Variants in RGS7 observed in about 807,000 individuals in gnomAD.
The protein encoded by RGS7 is regulator of G-protein signaling 7.
Under a neutral mutation model 81.1 loss-of-function variants are expected in RGS7, and 27 were observed. The ratio of observed to expected loss-of-function variants is 0.33; its 90% confidence interval spans 0.25 to 0.46. The LOEUF (loss-of-function observed/expected upper bound fraction) is 0.46, where lower values mean the gene tolerates loss of function less well. RGS7 is among the 20% of genes least tolerant of loss of function. RGS7 has a pLI of 1.00. For synonymous variants in RGS7, 208 were observed against 207.7 expected, an observed-to-expected ratio of 1.00 and a Z score of -0.01; for missense variants, 396 against 607.4, an observed-to-expected ratio of 0.65 and a Z score of 3.66.
intron 6 of RGS7, among the ~76,000 whole-genome samples, chr1:240,878,489 C>CTTTTTTTTTTTTTTTTTTTTTTTTTT (rs57896753): frequency 1.5e-4 from 18 of 117,556 alleles, no homozygotes; most frequent in Non-Finnish European, 2.3e-4. Flanking sequence ...TTTTTTCTTT[C>CTTTTTTTTTTTTTTTTTTTTTTTTTT]TTTTTTTTTT....
At chr1:241,169,506 C>A (rs1242569405) in intron 2 of RGS7, among the ~76,000 whole-genome samples, 2 of 151,754 alleles carry the variant, frequency 1.3e-5, no homozygotes, top group African/African-American at 4.8e-5. Flanking sequence ...CCACACCCGG[C>A]TAATTTTTTT....
In RGS7 at chr1:240,814,650, A is replaced by C. The variant is rs1414671027; in HGVS notation, c.845+66T>G. 9.1e-6 allele frequency: 9 copies of C among 985,292 alleles called. No homozygotes were observed. In the African/African-American group the frequency reaches 1.4e-4, roughly 16 times the overall value. 61.0% of individuals were successfully genotyped at this position (985,292 alleles called of 1,614,324 possible). A position where few individuals can be genotyped will look rare whatever the true frequency, so the allele number is the denominator to read the frequency against. On this transcript the variant is annotated intron_variant, in intron 12 of 18. Coordinates refer to ENST00000440928, the MANE Select transcript of RGS7 (RefSeq NM_001364886.1). Reference sequence around the variant, plus strand: ...ACTCCTGTCCCCACAGTTCTCTTTCATTTTTAAACACATGTAATTGTCATA... The same window carrying C: ...ACTCCTGTCCCCACAGTTCTCTTTCCTTTTTAAACACATGTAATTGTCATA...
At position 241,316,835 on chromosome 1, in the gene RGS7, A is replaced by G. The variant is rs930188993; in HGVS notation, c.78+38864T>C. 1.1e-4 allele frequency among the ~76,000 whole-genome samples: 16 copies of G among 152,154 alleles called. 1 individual carries two copies. Among genetic ancestry groups the G allele is most frequent in the African/African-American group, 3.9e-4 (16 of 41,438 alleles). On this transcript the variant is annotated intron_variant, in intron 2 of 18. Coordinates refer to ENST00000440928, the MANE Select transcript of RGS7 (RefSeq NM_001364886.1). The stretch of plus-strand genomic sequence containing the variant: ...TTCAGAAGATGAATGTCAAAATTCC[A>G]TTTGTTTATCAATGATGTGAGCCAC...
intron 3 of RGS7, among the ~76,000 whole-genome samples, chr1:241,051,447 G>A (rs1461925538): frequency 1.4e-5 from 2 of 142,314 alleles, no homozygotes; most frequent in Non-Finnish European, 3.1e-5. Context: ...CCCTGAAAAA[G>A]GGATTGCAGA....
intron 3 of RGS7, among the ~76,000 whole-genome samples, chr1:241,004,508 T>C (rs1257785281): frequency 2.6e-5 from 4 of 152,180 alleles, no homozygotes; most frequent in Non-Finnish European, 4.4e-5. Flanking sequence ...TTGAAAATCA[T>C]TGACAAGAGG....
At chr1:240,948,373 T>C (rs1357120806) in intron 4 of RGS7, among the ~76,000 whole-genome samples, 1 of 152,174 alleles carries the variant, frequency 6.6e-6, no homozygotes, top group Non-Finnish European at 1.5e-5. Flanking sequence ...CTTACATTAG[T>C]TCATAGCACA....
Position 240,912,539 on chromosome 1 carries a change from T to A in RGS7, c.385+18178A>T, listed in dbSNP as rs1347313124. ...GGCCACACTTCAAGAAATAGTGAAA[T>A]ATAATGCACTTGAGGGATGGTCAAT... is the stretch of plus-strand genomic sequence containing the variant. On this transcript the variant is annotated intron_variant, in intron 6 of 18. Coordinates refer to ENST00000440928, the MANE Select transcript of RGS7 (RefSeq NM_001364886.1). Among the ~76,000 whole-genome samples the A allele has an allele frequency of 2.6e-5, 4 of 152,188 alleles. No individual in the cohort carries two copies. In the East Asian group the frequency reaches 7.8e-4, roughly 30 times the overall value.
At chr1:240,889,076 C>A (rs769004287) in intron 6 of RGS7, among the ~76,000 whole-genome samples, 4 of 152,118 alleles carry the variant, frequency 2.6e-5, no homozygotes, top group Non-Finnish European at 5.9e-5. Flanking sequence ...CTTGCCTCAG[C>A]GTCCCAAGCA....
At position 240,879,121 on chromosome 1, in the gene RGS7, G is replaced by A. The variant is rs186187415; in HGVS notation, c.386-9002C>T. ...TCCAGACTTGAATTTTTGCCAATCC[G>A]GCTTGAGAGAGGTGCATTAAAGTCT... On this transcript the variant is annotated intron_variant, in intron 6 of 18. Coordinates refer to ENST00000440928, the MANE Select transcript of RGS7 (RefSeq NM_001364886.1). 8.3e-4 allele frequency among the ~76,000 whole-genome samples: 127 copies of A among 152,156 alleles called. 1 individual carries two copies. Among genetic ancestry groups the A allele is most frequent in the African/African-American group, 2.6e-3 (106 of 41,514 alleles).
intron 9 of RGS7, among the ~76,000 whole-genome samples, chr1:240,830,234 A>G (rs539462356): frequency 6.6e-6 from 1 of 152,348 alleles, no homozygotes; most frequent in Admixed American, 6.5e-5. Context: ...CCACAGTAGT[A>G]AAAGGCACAG....
At chr1:241,053,938 G>A (rs1384036778) in intron 3 of RGS7, among the ~76,000 whole-genome samples, 1 of 152,190 alleles carries the variant, frequency 6.6e-6, no homozygotes, top group East Asian at 1.9e-4. Context: ...TGTGGAACTA[G>A]AGTCCCTTAA....
intron 2 of RGS7, among the ~76,000 whole-genome samples, chr1:241,107,037 T>C (rs1408786821): frequency 6.6e-6 from 1 of 152,192 alleles, no homozygotes; most frequent in African/African-American, 2.4e-5. Flanking sequence ...CCAAATTCAA[T>C]TGTCATGAAC....
At chr1:241,250,417 C>T (rs537057679) in intron 2 of RGS7, among the ~76,000 whole-genome samples, 2 of 151,896 alleles carry the variant, frequency 1.3e-5, no homozygotes, top group East Asian at 1.9e-4. Flanking sequence ...AAAACAGCAT[C>T]CTGAATAAAT....
intron 3 of RGS7, among the ~76,000 whole-genome samples, chr1:241,072,871 A>C (rs2062561636): frequency 6.6e-6 from 1 of 152,110 alleles, no homozygotes; most frequent in Non-Finnish European, 1.5e-5. Context: ...AGGTCTTGCC[A>C]CTGTCTGGTG....
chr1:241,069,306 T>C (rs1480288533), intron 3 of RGS7, among the ~76,000 whole-genome samples: 1 of 152,198 alleles, frequency 6.6e-6, no homozygotes, highest in Non-Finnish European at 1.5e-5. Flanking sequence ...CTTATTCCAT[T>C]TCTCCAGAGA....
chr1:241,012,879 A>C (rs1167618992), intron 3 of RGS7, among the ~76,000 whole-genome samples: 3 of 152,058 alleles, frequency 2.0e-5, no homozygotes, highest in Non-Finnish European at 4.4e-5. Context: ...GTTCTTTCTA[A>C]TGGCTGGGCT....
intron 2 of RGS7, among the ~76,000 whole-genome samples, chr1:241,152,262 C>A (rs1398586392): frequency 6.6e-6 from 1 of 151,884 alleles, no homozygotes; most frequent in Non-Finnish European, 1.5e-5. Context: ...ACAACAACAA[C>A]AAAAACCCCA....
At chr1:241,027,070 G>T (rs1328371329) in intron 3 of RGS7, among the ~76,000 whole-genome samples, 3 of 151,708 alleles carry the variant, frequency 2.0e-5, no homozygotes, top group African/African-American at 4.8e-5. Flanking sequence ...AGGCGGGGTG[G>T]TACGTGCCTG....
intron 3 of RGS7, among the ~76,000 whole-genome samples, chr1:240,997,892 C>G (rs1687536230): frequency 6.6e-6 from 1 of 152,096 alleles, no homozygotes; most frequent in Admixed American, 6.5e-5. Context: ...GTTTGCTTAC[C>G]ACGTTTTGTT....
Sources: gnomAD v4.1 joint callset for allele counts (sites outside exome capture counted in the v4.1 genomes callset) on GRCh38, gnomAD v4.1.1 for gene constraint, MANE v1.5 for transcripts, NCBI Gene and HGNC (gene_info 2026-07-23, HGNC 2026-07-21) for gene names.